The following FRYL variants were observed in gnomAD, a reference collection of about 807,000 sequenced individuals.
The protein encoded by FRYL is protein furry homolog-like.
In FRYL, 150 loss-of-function variants were observed where a neutral mutation model predicts 351.2. That is an observed-to-expected ratio of 0.43 (90% CI 0.37 to 0.49). The LOEUF (loss-of-function observed/expected upper bound fraction) is 0.49, where lower values mean the gene tolerates loss of function less well. Ranked by LOEUF, FRYL falls within the 20% of genes least tolerant of loss-of-function variation. The pLI, the probability that FRYL is intolerant of heterozygous loss-of-function variation, is 0.00. For synonymous variants in FRYL, 1,153 were observed against 1,257.1 expected, an observed-to-expected ratio of 0.92 and a Z score of 1.75; for missense variants, 3,036 against 3,619.3, an observed-to-expected ratio of 0.84 and a Z score of 4.13.
intron 1 of FRYL, among the ~76,000 whole-genome samples, chr4:48,769,186 T>C (rs190759746): frequency 2.0e-5 from 3 of 152,262 alleles, no homozygotes; most frequent in East Asian, 3.9e-4. Context: ...TTCTGTTCTA[T>C]GAAAGATCTA....
intron 4 of FRYL, among the ~76,000 whole-genome samples, chr4:48,630,553 G>A (rs759804175): frequency 2.1e-4 from 32 of 152,040 alleles, no homozygotes; most frequent in African/African-American, 7.5e-4. Context: ...GGTTATTACC[G>A]AGGATTGATC....
rs765789722 is a variant in FRYL, at chr4:48,500,004, C to T, written c.8783+26G>A. The T allele has an allele frequency of 6.9e-6, 10 of 1,450,420 alleles. No homozygotes were observed. In the Admixed American group the frequency reaches 1.4e-4, roughly 20 times the overall value. The allele number at this position is 1,450,420 out of a possible 1,614,324, so 89.8% of individuals were successfully genotyped here. A position where few individuals can be genotyped will look rare whatever the true frequency, so the allele number is the denominator to read the frequency against. ...AACTTCCTGTCTAATTTAAAGGCAT[C>T]ACCTTTAAATCCCGTCACGTTTTAC... On this transcript the variant is annotated intron_variant, in intron 63 of 63. Coordinates refer to ENST00000358350, the MANE Select transcript of FRYL (RefSeq NM_015030.2).
At chr4:48,695,380 G>A (rs1246954859) in intron 2 of FRYL, among the ~76,000 whole-genome samples, 6 of 152,058 alleles carry the variant, frequency 3.9e-5, no homozygotes, top group Admixed American at 2.0e-4. Context: ...AAAGGTCTCC[G>A]TCATTTAAAG....
intron 59 of FRYL, 181 bp from the exon 60 acceptor site, chr4:48,505,796 G>A (rs1445594110): frequency 3.9e-6 from 2 of 513,412 alleles, no homozygotes; most frequent in Non-Finnish European, 6.8e-6. Flanking sequence ...AGCAGGGATA[G>A]CATTAATGTA....
At chr4:48,779,501 C>A (rs6853588) in intron 1 of FRYL, among the ~76,000 whole-genome samples, 9 of 151,894 alleles carry the variant, frequency 5.9e-5, no homozygotes, top group African/African-American at 2.2e-4. Flanking sequence ...CCCGGCTGGG[C>A]TGGCGCGCTC....
Position 48,602,622 on chromosome 4 carries a change from T to C in FRYL, c.934-501A>G, listed in dbSNP as rs192404891. 1.5e-3 allele frequency among the ~76,000 whole-genome samples: 224 copies of C among 152,268 alleles called. 2 individuals are homozygous for C. The highest frequency in any genetic ancestry group is 5.0e-3 in the African/African-American group (206 of 41,572). On this transcript the variant is annotated intron_variant, in intron 12 of 63. Coordinates refer to ENST00000358350, the MANE Select transcript of FRYL (RefSeq NM_015030.2). ...GTTCAATGCCTGGCACAATCCATGTTTAGAATTACTGTATCTCTAGTTTAG... is the reference window on the plus strand; with the variant it reads ...GTTCAATGCCTGGCACAATCCATGTCTAGAATTACTGTATCTCTAGTTTAG...
intron 1 of FRYL, among the ~76,000 whole-genome samples, chr4:48,745,304 G>A (rs569789349): frequency 1.3e-5 from 2 of 152,226 alleles, no homozygotes; most frequent in East Asian, 1.9e-4. Flanking sequence ...ACATGCACAC[G>A]TATGTTTATT....
intron 33 of FRYL, among the ~76,000 whole-genome samples, chr4:48,561,004 T>A (rs1001734985): frequency 2.0e-5 from 3 of 152,194 alleles, no homozygotes; most frequent in African/African-American, 7.2e-5. Context: ...AAGCAACATG[T>A]GGGAGACTAG....
chr4:48,562,835 T>C, intron 32 of FRYL, 54 bp downstream of exon 32: 11 of 979,204 alleles, frequency 1.1e-5, no homozygotes, highest in Non-Finnish European at 1.8e-5. Flanking sequence ...ACTAAATTAT[T>C]GGGCTTCATT....
chr4:48,652,652 A>G (rs1757955273), intron 3 of FRYL, among the ~76,000 whole-genome samples: 1 of 152,088 alleles, frequency 6.6e-6, no homozygotes, highest in South Asian at 2.1e-4. Context: ...ACCTCCTCAA[A>G]CCATATTCAA....
chr4:48,571,589 A>C, intron 26 of FRYL: 3 of 918,366 alleles, frequency 3.3e-6, no homozygotes, highest in Non-Finnish European at 3.9e-6. Flanking sequence ...GCAAATTAAA[A>C]CCATATTTAC....
intron 21 of FRYL, 129 bp from the exon 22 acceptor site, chr4:48,581,080 C>G: frequency 1.7e-6 from 1 of 585,294 alleles, no homozygotes; most frequent in Admixed American, 3.6e-5. Context: ...GAGTCTCGCT[C>G]TGTCACCCAG....
chr4:48,501,639 A>T lies in FRYL; in HGVS notation c.8576T>A (p.Ile2859Lys). 1 of 1,586,968 alleles carries T rather than the reference A, an allele frequency of 6.3e-7. No individual in the cohort carries two copies. The highest frequency in any genetic ancestry group is 8.6e-7 in the Non-Finnish European group (1 of 1,156,690). Residue 2859 changes from isoleucine to lysine, a missense_variant, in exon 62 of 64, where the codon ATA becomes AAA. Around this residue, in one of 7 missense-constraint regions of FRYL, gnomAD observed 1,987 missense variants for 2,311.7 expected, o/e 0.86. Transcript: ENST00000358350. ...AATATTTACCTCTGCTTCATTTTTT[A>T]TCGTATTTACTTGGTTGATAAGTTT... is the stretch of plus-strand genomic sequence containing the variant. ...YCKLINQVNT[I>K]KNEAEVINMS...
intron 5 of FRYL, 117 bp from the exon 6 acceptor site, chr4:48,620,895 T>C: frequency 1.1e-6 from 1 of 903,122 alleles, no homozygotes; most frequent in East Asian, 2.7e-5. Flanking sequence ...GCAATAAATG[T>C]GCTTTAAAAT....
intron 13 of FRYL, among the ~76,000 whole-genome samples, chr4:48,597,681 A>G (rs1450141250): frequency 6.6e-6 from 1 of 152,232 alleles, no homozygotes; most frequent in Non-Finnish European, 1.5e-5. Flanking sequence ...TAAAAATTAT[A>G]CATTAAAGAT....
intron 3 of FRYL, among the ~76,000 whole-genome samples, chr4:48,665,949 A>C (rs569535564): frequency 3.3e-5 from 5 of 152,280 alleles, no homozygotes; most frequent in African/African-American, 7.2e-5. Context: ...CTTTGATATC[A>C]CTCTAGTTTT....
At chr4:48,759,236 T>TA (rs916682520) in intron 1 of FRYL, among the ~76,000 whole-genome samples, 74 of 151,334 alleles carry the variant, frequency 4.9e-4, no homozygotes, top group African/African-American at 1.5e-3. Flanking sequence ...ATAATAATAA[T>TA]AAAAAAAAGA....
At chr4:48,547,480 G>T in intron 41 of FRYL, 104 bp downstream of exon 41, 1 of 531,604 alleles carries the variant, frequency 1.9e-6, no homozygotes, top group Non-Finnish European at 3.2e-6. Context: ...TTTTTAAAAT[G>T]TTCTCTAGTA....
chr4:48,754,660 T>TC (rs1773587127), intron 1 of FRYL, among the ~76,000 whole-genome samples: 1 of 57,474 alleles, frequency 1.7e-5, no homozygotes, highest in African/African-American at 5.1e-5. Flanking sequence ...TTCTGGGGTT[T>TC]TTTTGGGGTT....
Sources: gnomAD v4.1 joint callset for allele counts (sites outside exome capture counted in the v4.1 genomes callset) on GRCh38, gnomAD v4.1.1 for gene constraint, gnomAD v4.1.1 regional missense constraint, MANE v1.5 for transcripts, NCBI Gene and HGNC (gene_info 2026-07-23, HGNC 2026-07-21) for gene names.